The following FRMPD2 variants were observed in gnomAD, a reference collection of about 807,000 sequenced individuals.
The protein encoded by FRMPD2 is FERM and PDZ domain containing 2.
A neutral mutation model predicts 140.1 loss-of-function variants in FRMPD2; 96 were observed. The ratio of observed to expected loss-of-function variants is 0.69; its 90% CI spans 0.58 to 0.81. FRMPD2 has a LOEUF of 0.81. Ranked by LOEUF, FRMPD2 falls within the 40% of genes least tolerant of loss-of-function variation. The pLI is 0.00. For synonymous variants in FRMPD2, 449 were observed against 547.6 expected (o/e 0.82, Z 2.52); for missense variants, 1,240 against 1,447.4 (o/e 0.86, Z 2.32).
At chr10:48,250,659 C>G (rs540097205) in intron 2 of FRMPD2, among the ~76,000 whole-genome samples, 1 of 152,078 alleles carries the variant, frequency 6.6e-6, no homozygotes, top group South Asian at 2.1e-4. Context: ...CCACCCGCCT[C>G]GGTCTCCCAA....
chr10:48,225,231 C>G (rs923807865), intron 10 of FRMPD2, among the ~76,000 whole-genome samples: 11 of 152,218 alleles, frequency 7.2e-5, no homozygotes, highest in African/African-American at 2.6e-4. Flanking sequence ...TGAAAGTTAT[C>G]AATACCAAAA....
At chr10:48,200,193 T>TAATAAAAA (rs1554794421) in intron 15 of FRMPD2, among the ~76,000 whole-genome samples, 155 of 139,440 alleles carry the variant, frequency 1.1e-3, no homozygotes, top group Middle Eastern at 7.0e-3. Context: ...AATAAATAAA[T>TAATAAAAA]AAATAAAACA....
chr10:48,238,896 T>A (rs2131941235), intron 7 of FRMPD2, among the ~76,000 whole-genome samples: 1 of 152,372 alleles, frequency 6.6e-6, no homozygotes. Context: ...GGGGCTGGCC[T>A]TTAGGCCTGA....
At position 48,184,892 on chromosome 10, in the gene FRMPD2, A is replaced by T. The variant is rs1158790230; in HGVS notation, c.2360-11T>A. ...CATTAATGACAAACCCTGTAATCCA[A>T]GATGATAGTCCATGATAAGATGATA... On this transcript the variant is annotated splice_polypyrimidine_tract_variant and intron_variant, in intron 18 of 28. Coordinates refer to ENST00000374201, the MANE Select transcript of FRMPD2 (RefSeq NM_001018071.4). 1 of 1,583,472 alleles carries T rather than the reference A, an allele frequency of 6.3e-7. No individual in the cohort carries two copies. Among genetic ancestry groups the T allele is most frequent in the East Asian group, 2.2e-5 (1 of 44,654 alleles).
At chr10:48,202,283 C>T (rs1437792570) in intron 14 of FRMPD2, among the ~76,000 whole-genome samples, 2 of 152,082 alleles carry the variant, frequency 1.3e-5, no homozygotes, top group Non-Finnish European at 2.9e-5. Context: ...TTTATAGAAA[C>T]AGGGCTTATG....
intron 27 of FRMPD2, 99 bp from the exon 28 acceptor site, chr10:48,163,770 G>T: frequency 1.5e-6 from 1 of 649,296 alleles, no homozygotes; most frequent in Non-Finnish European, 2.8e-6. Context: ...GATCAGAGTA[G>T]TTACAAGATG....
intron 10 of FRMPD2, among the ~76,000 whole-genome samples, chr10:48,225,916 T>C (rs1326623509): frequency 6.6e-6 from 1 of 152,174 alleles, no homozygotes; most frequent in African/African-American, 2.4e-5. Context: ...CTGAAGGACA[T>C]GGTCCTTCTT....
chr10:48,229,226 T>C (rs1839796042), intron 10 of FRMPD2, among the ~76,000 whole-genome samples: 1 of 152,152 alleles, frequency 6.6e-6, no homozygotes, highest in South Asian at 2.1e-4. Flanking sequence ...AGCTCTTTTA[T>C]TACTTAAAAA....
chr10:48,232,007 G>A, intron 10 of FRMPD2, 108 bp downstream of exon 10: 4 of 952,214 alleles, frequency 4.2e-6, no homozygotes, highest in East Asian at 2.4e-5. Flanking sequence ...ACAAAGGGAG[G>A]CACCCAAGTC....
intron 20 of FRMPD2, 90 bp downstream of exon 20, chr10:48,184,476 G>T: frequency 1.3e-6 from 1 of 779,752 alleles, no homozygotes; most frequent in Non-Finnish European, 2.2e-6. Flanking sequence ...GAAGACCTAC[G>T]TGGACTTCAA....
At chr10:48,216,868 G>A (rs61840494) in intron 12 of FRMPD2, among the ~76,000 whole-genome samples, 4,708 of 152,262 alleles carry the variant, frequency 0.031, 99 homozygotes, top group Non-Finnish European at 0.042. Flanking sequence ...CCTCCTCCCA[G>A]GACTTCCCAA....
At chr10:48,236,451 C>T in intron 9 of FRMPD2, 31 bp downstream of exon 9, 3 of 1,606,560 alleles carry the variant, frequency 1.9e-6, no homozygotes, top group South Asian at 2.2e-5. Flanking sequence ...TCGCCACCCT[C>T]CATCCCTGCC....
intron 13 of FRMPD2, among the ~76,000 whole-genome samples, chr10:48,211,430 C>T (rs1839320939): frequency 6.6e-6 from 1 of 152,170 alleles, no homozygotes; most frequent in Non-Finnish European, 1.5e-5. Flanking sequence ...TTCTGTTGTC[C>T]TATGTGTCAA....
chr10:48,233,241 G>T (rs114438599), intron 9 of FRMPD2, among the ~76,000 whole-genome samples: 1 of 152,188 alleles, frequency 6.6e-6, no homozygotes, highest in Admixed American at 6.5e-5. Context: ...CCAGGGGCCA[G>T]AGCAGATCTG....
intron 3 of FRMPD2, among the ~76,000 whole-genome samples, chr10:48,245,946 G>A (rs1369180930): frequency 6.6e-6 from 1 of 152,142 alleles, no homozygotes; most frequent in Non-Finnish European, 1.5e-5. Context: ...TTTTGGTTTT[G>A]GTTGTTCACA....
In FRMPD2 at chr10:48,232,171, A is replaced by G; in HGVS notation, c.1112T>C (p.Val371Ala). The stretch of plus-strand genomic sequence containing the variant: ...TTCCTCGAGGTTGGCAAAGGATGTC[A>G]CGGCATTGAAGACAGCTCCCACTGT... ...ESTVGAVFNA[V>A]TSFANLEELT... Residue 371 changes from valine to alanine, a missense_variant, in exon 10 of 29, where the codon GTG becomes GCG. By Grantham distance (64) the Val-to-Ala change is moderately conservative (BLOSUM62 0). Coordinates refer to ENST00000374201, the MANE Select transcript of FRMPD2 (RefSeq NM_001018071.4). The G allele has an allele frequency of 6.2e-7, 1 of 1,614,194 alleles. No homozygotes were observed. Among genetic ancestry groups the G allele is most frequent in the Non-Finnish European group, 8.5e-7 (1 of 1,180,044 alleles).
chr10:48,251,889 T>A, intron 1 of FRMPD2, 198 bp from the exon 2 acceptor site: 1 of 563,208 alleles, frequency 1.8e-6, no homozygotes, highest in Non-Finnish European at 3.1e-6. Flanking sequence ...ATTGGAGGAC[T>A]GACCAGGTTG....
chr10:48,238,107 C>T lies in FRMPD2; in HGVS notation c.805G>A (p.Asp269Asn). The T allele has an allele frequency of 6.2e-7, 1 of 1,612,020 alleles. No individual in the cohort carries two copies. The highest frequency in any genetic ancestry group is 1.3e-5 in the African/African-American group (1 of 75,062). The change falls in exon 8 of 29, where the codon GAT becomes AAT. Residue 269 changes from aspartate to asparagine, a missense_variant. By Grantham distance (23) the Asp-to-Asn change is conservative. Coordinates refer to ENST00000374201, the MANE Select transcript of FRMPD2 (RefSeq NM_001018071.4). ...LLVNRALPGA[D>N]PQDQQAGRRL... Reference sequence around the variant, plus strand: ...CGGCCCGCCTGCTGGTCCTGGGGATCTGCTCCTGGAAGAGCGCTGGCCAGG... The same window carrying T: ...CGGCCCGCCTGCTGGTCCTGGGGATTTGCTCCTGGAAGAGCGCTGGCCAGG...
At chr10:48,210,730 C>T (rs959816565) in intron 13 of FRMPD2, among the ~76,000 whole-genome samples, 17 of 152,220 alleles carry the variant, frequency 1.1e-4, no homozygotes, top group African/African-American at 3.6e-4. Flanking sequence ...CGCTTGCAGG[C>T]TACACCATGT....
Sources: allele counts gnomAD v4.1 joint callset (sites outside exome capture counted in the v4.1 genomes callset), GRCh38; gene constraint gnomAD v4.1.1; transcripts MANE v1.5; gene names NCBI Gene and HGNC (gene_info 2026-07-23, HGNC 2026-07-21).